The following SHLD1 variants were observed in gnomAD, a reference collection of about 807,000 sequenced individuals.
SHLD1 encodes the protein shieldin complex subunit 1.
SHLD1 carries 3 observed loss-of-function variants against 5.5 expected under a neutral mutation model. The observed-to-expected ratio is 0.54, with a 90% confidence interval of 0.25 to 1.40. The LOEUF (loss-of-function observed/expected upper bound fraction) is 1.40, where lower values mean the gene tolerates loss of function less well. SHLD1 is among the 40% of genes most tolerant of loss of function. The pLI, the probability that SHLD1 is intolerant of heterozygous loss-of-function variation, is 0.15. For missense variants in SHLD1, 210 were observed against 244.4 expected (o/e 0.86, Z 0.94); for synonymous variants, 92 against 94.3 (o/e 0.98, Z 0.14).
intron 1 of SHLD1, chr20:5,756,641 G>A (rs991372573): frequency 6.1e-6 from 1 of 163,036 alleles, no homozygotes; most frequent in Admixed American, 6.6e-5. Context: ...CATTCTATAA[G>A]ATTTTTTTTA....
At chr20:5,835,585 A>C (rs956328418) in intron 2 of SHLD1, among the ~76,000 whole-genome samples, 1 of 152,158 alleles carries the variant, frequency 6.6e-6, no homozygotes, top group South Asian at 2.1e-4. Context: ...GAAAACTGGG[A>C]AGCAGAGAGT....
chr20:5,858,615 C>T (rs2088120312), intron 2 of SHLD1, among the ~76,000 whole-genome samples: 1 of 152,222 alleles, frequency 6.6e-6, no homozygotes, highest in Admixed American at 6.5e-5. Context: ...GAGCAAATCA[C>T]TTGAGGCCAG....
intron 2 of SHLD1, among the ~76,000 whole-genome samples, chr20:5,849,952 C>G (rs1269828648): frequency 8.4e-6 from 1 of 118,698 alleles, no homozygotes; most frequent in African/African-American, 3.5e-5. Flanking sequence ...GGCGACAGAG[C>G]GAGACTCCGT....
intron 2 of SHLD1, among the ~76,000 whole-genome samples, chr20:5,794,394 C>T (rs961751040): frequency 2.0e-5 from 3 of 152,202 alleles, no homozygotes; most frequent in Non-Finnish European, 4.4e-5. Context: ...ACTTCCACTT[C>T]TTTATGTTGC....
intron 2 of SHLD1, among the ~76,000 whole-genome samples, chr20:5,784,149 T>TAAAAA: frequency 7.1e-6 from 1 of 140,350 alleles, no homozygotes; most frequent in South Asian, 2.3e-4. Context: ...GAGACTGTCT[T>TAAAAA]AAAAAAAAAA....
intron 2 of SHLD1, among the ~76,000 whole-genome samples, chr20:5,776,938 G>C (rs1394182165): frequency 2.6e-5 from 4 of 151,892 alleles, no homozygotes; most frequent in African/African-American, 9.7e-5. Flanking sequence ...TTTACTACCT[G>C]TCAGGTTTTA....
At chr20:5,784,654 G>T (rs903834525) in intron 2 of SHLD1, among the ~76,000 whole-genome samples, 2 of 152,016 alleles carry the variant, frequency 1.3e-5, no homozygotes, top group Admixed American at 6.6e-5. Flanking sequence ...GTTTCACCGT[G>T]TTAGCCAGGT....
chr20:5,837,346 C>T (rs918491599), intron 2 of SHLD1, among the ~76,000 whole-genome samples: 2 of 152,108 alleles, frequency 1.3e-5, no homozygotes, highest in African/African-American at 4.8e-5. Context: ...GCAGGATGTG[C>T]AAGTTTGTTA....
Position 5,802,720 on chromosome 20 carries a change from C to T in SHLD1, c.178+29677C>T, listed in dbSNP as rs1221130635. On this transcript the variant is annotated intron_variant, in intron 2 of 2. Transcript: ENST00000303142. ...GGAGTGCAGTGGCGTGATCATGGCTCACTGCAGCCTAGACCTCCTGGGCTC... is the reference window on the plus strand; with the variant it reads ...GGAGTGCAGTGGCGTGATCATGGCTTACTGCAGCCTAGACCTCCTGGGCTC... Among the ~76,000 whole-genome samples the T allele has an allele frequency of 2.0e-5, 3 of 152,016 alleles. No individual in the cohort carries two copies. In the South Asian group the frequency reaches 6.2e-4, roughly 32 times the overall value.
Position 5,806,867 on chromosome 20 carries a change from T to C in SHLD1, c.178+33824T>C, listed in dbSNP as rs1440043228. Among the ~76,000 whole-genome samples, 1 of 152,260 alleles carries C rather than the reference T, an allele frequency of 6.6e-6. No homozygotes were observed. Among genetic ancestry groups the C allele is most frequent in the East Asian group, 1.9e-4 (1 of 5,206 alleles). The stretch of plus-strand genomic sequence containing the variant: ...AGCCCTCTGTCACCACCCTCTCCAC[T>C]AGAATGCCATGTATTATGTATTTCC... On this transcript the variant is annotated intron_variant, in intron 2 of 2. Transcript: ENST00000303142. This position sits in a 1 kb window ranked among gnomAD's most constrained non-coding sequence, Gnocchi z 7.6.
chr20:5,763,846 C>G (rs142415947), intron 1 of SHLD1, among the ~76,000 whole-genome samples: 3 of 150,314 alleles, frequency 2.0e-5, no homozygotes, highest in Admixed American at 6.7e-5. Context: ...CAATGGCTCA[C>G]GCCTGTAATC....
At position 5,793,281 on chromosome 20, in the gene SHLD1, A is replaced by G. The variant is rs1187906431; in HGVS notation, c.178+20238A>G. ...GTATGTATTCTTTTTTGATGTACCT[A>G]TAAATATATTTTAGTGTGGATAAAT... On this transcript the variant is annotated intron_variant, in intron 2 of 2. Coordinates refer to ENST00000303142, the MANE Select transcript of SHLD1 (RefSeq NM_152504.4). Among the ~76,000 whole-genome samples, 5 of 152,096 alleles carry G rather than the reference A, an allele frequency of 3.3e-5. No individual in the cohort carries two copies. The South Asian group carries it at 1.0e-3, about 31-fold the overall frequency.
At chr20:5,859,986 G>A (rs997511010) in intron 2 of SHLD1, among the ~76,000 whole-genome samples, 2 of 152,168 alleles carry the variant, frequency 1.3e-5, no homozygotes, top group Non-Finnish European at 2.9e-5. Flanking sequence ...GTGCCATGTT[G>A]CTTGGCGTTT....
At chr20:5,754,382 A>G (rs994027749) in intron 1 of SHLD1, among the ~76,000 whole-genome samples, 1 of 152,112 alleles carries the variant, frequency 6.6e-6, no homozygotes, top group African/African-American at 2.4e-5. Context: ...AAGTGCTGGG[A>G]CTACAGGTGT....
At chr20:5,777,729 A>C (rs1011347851) in intron 2 of SHLD1, among the ~76,000 whole-genome samples, 1 of 151,794 alleles carries the variant, frequency 6.6e-6, no homozygotes, top group South Asian at 2.1e-4. Context: ...CACCACACCC[A>C]GCTAAAATCA....
chr20:5,764,176 T>TA (rs1568490154), intron 1 of SHLD1, among the ~76,000 whole-genome samples: 9 of 56,464 alleles, frequency 1.6e-4, no homozygotes, highest in South Asian at 5.4e-4. Context: ...ATATATATAT[T>TA]TTTATATATA....
At chr20:5,812,080 C>CTTTTTTTTTTTTTTTT (rs1200570680) in intron 2 of SHLD1, among the ~76,000 whole-genome samples, 1 of 136,814 alleles carries the variant, frequency 7.3e-6, no homozygotes, top group African/African-American at 2.7e-5. Context: ...TTTTTTTTTT[C>CTTTTTTTTTTTTTTTT]TTTTTTTTTC....
chr20:5,844,795 A>ATTTTTTTTTTTT (rs1258738443), intron 2 of SHLD1, among the ~76,000 whole-genome samples: 1 of 105,064 alleles, frequency 9.5e-6, no homozygotes, highest in African/African-American at 4.7e-5. Flanking sequence ...ATATATATAT[A>ATTTTTTTTTTTT]TATATTTTTT....
intron 1 of SHLD1, among the ~76,000 whole-genome samples, chr20:5,770,890 G>T (rs1340445165): frequency 1.3e-5 from 2 of 152,176 alleles, no homozygotes; most frequent in Non-Finnish European, 2.9e-5. Context: ...ACAGATTCAG[G>T]ATGGTTAGGT....
Sources: allele counts gnomAD v4.1 joint callset (sites outside exome capture counted in the v4.1 genomes callset), GRCh38; gene constraint gnomAD v4.1.1; non-coding constraint Gnocchi (gnomAD v3.1); transcripts MANE v1.5; gene names NCBI Gene and HGNC (gene_info 2026-07-23, HGNC 2026-07-21).